GNAQ: variants seen among roughly 807,000 people sequenced by gnomAD.
The protein encoded by GNAQ is G protein subunit alpha q.
GNAQ carries 8 observed loss-of-function variants against 43.9 expected under a neutral mutation model. The observed-to-expected ratio is 0.18, with a 90% CI of 0.11 to 0.33. The LOEUF (loss-of-function observed/expected upper bound fraction) is 0.33, where lower values mean the gene tolerates loss of function less well. Ranked by LOEUF, GNAQ falls within the 10% of genes least tolerant of loss-of-function variation. The probability of loss-of-function intolerance (pLI) is 1.00; values close to 1 mark genes in which losing one functional copy is unlikely to be tolerated. For missense variants in GNAQ, 158 were observed against 450.8 expected (o/e 0.35, Z 5.88); for synonymous variants, 155 against 170.7 (o/e 0.91, Z 0.71).
In GNAQ at chr9:77,720,153, A is replaced by C. The variant is rs1825288313; in HGVS notation, c.*1170T>G. 2 of 233,104 alleles carry C rather than the reference A, an allele frequency of 8.6e-6. No homozygotes were observed. The highest frequency in any genetic ancestry group is 1.7e-5 in the Non-Finnish European group (2 of 117,906). 14.4% of individuals were successfully genotyped at this position (233,104 alleles called of 1,614,324 possible). A position where few individuals can be genotyped will look rare whatever the true frequency, so the allele number is the denominator to read the frequency against. On this transcript the variant is annotated 3_prime_UTR_variant, in exon 7 of 7. Coordinates refer to ENST00000286548, the MANE Select transcript of GNAQ (RefSeq NM_002072.5). Reference sequence around the variant, plus strand: ...ATGTCATCTTAAGGACAAAGAAAAGAATGGACCGTGAGAATCAAATTTCTA... The same window carrying C: ...ATGTCATCTTAAGGACAAAGAAAAGCATGGACCGTGAGAATCAAATTTCTA...
intron 4 of GNAQ, among the ~76,000 whole-genome samples, chr9:77,796,942 G>A (rs1471845966): frequency 1.3e-5 from 2 of 152,076 alleles, no homozygotes; most frequent in African/African-American, 2.4e-5. Flanking sequence ...TTTACTAACC[G>A]ATTTTACTCA....
At chr9:77,961,461 C>T (rs1823106430) in intron 1 of GNAQ, among the ~76,000 whole-genome samples, 2 of 151,882 alleles carry the variant, frequency 1.3e-5, no homozygotes, top group South Asian at 4.2e-4. Context: ...CAGAAGGGTG[C>T]CCTTGAACCT....
chr9:77,785,567 A>C (rs1233160797), intron 5 of GNAQ, among the ~76,000 whole-genome samples: 2 of 152,214 alleles, frequency 1.3e-5, no homozygotes, highest in Non-Finnish European at 2.9e-5. Context: ...GATGGTGACT[A>C]CATGGATGTG....
At chr9:77,763,477 C>T (rs749994009) in intron 5 of GNAQ, among the ~76,000 whole-genome samples, 1 of 152,176 alleles carries the variant, frequency 6.6e-6, no homozygotes, top group Non-Finnish European at 1.5e-5. Context: ...ATAATTAATA[C>T]TGTATGTGTG....
At chr9:77,928,575 G>A (rs1829100964) in intron 1 of GNAQ, among the ~76,000 whole-genome samples, 1 of 152,160 alleles carries the variant, frequency 6.6e-6, no homozygotes, top group Admixed American at 6.5e-5. Flanking sequence ...AATCCTCCCA[G>A]AAGAGTCACT....
chr9:77,886,031 C>T (rs894750990), intron 2 of GNAQ, among the ~76,000 whole-genome samples: 1 of 152,112 alleles, frequency 6.6e-6, no homozygotes, highest in Non-Finnish European at 1.5e-5. Context: ...GGCTGGAGTG[C>T]AGTGGCACGA....
rs546289226 is a variant in GNAQ at position 77,981,055 on chromosome 9, A to G, written c.136+50045T>C. On this transcript the variant is annotated intron_variant, in intron 1 of 6. Transcript: ENST00000286548. ...CAAAAATAGCTTCTATTAGAAAGTGAGTGGTGAGGTGTTAGATTCAGACCC... is the reference window on the plus strand; with the variant it reads ...CAAAAATAGCTTCTATTAGAAAGTGGGTGGTGAGGTGTTAGATTCAGACCC... 2.6e-5 allele frequency among the ~76,000 whole-genome samples: 4 copies of G among 152,346 alleles called. No individual in the cohort carries two copies. In the South Asian group the frequency reaches 8.3e-4, roughly 32 times the overall value.
chr9:77,753,977 C>T (rs1336566672), intron 5 of GNAQ, among the ~76,000 whole-genome samples: 1 of 152,160 alleles, frequency 6.6e-6, no homozygotes, highest in Non-Finnish European at 1.5e-5. Flanking sequence ...GAAAAAACTT[C>T]TCTTGAAAGC....
At chr9:78,001,943 T>G (rs1261747025) in intron 1 of GNAQ, among the ~76,000 whole-genome samples, 1 of 152,250 alleles carries the variant, frequency 6.6e-6, no homozygotes, top group African/African-American at 2.4e-5. Context: ...GACTGTATGC[T>G]TACTTCATCA....
intron 2 of GNAQ, among the ~76,000 whole-genome samples, chr9:77,910,720 C>T (rs1183607757): frequency 6.6e-6 from 1 of 152,042 alleles, no homozygotes; most frequent in Non-Finnish European, 1.5e-5. Context: ...GACTAAAGAA[C>T]ATCATCTCCA....
chr9:77,727,248 GC>G (rs1338673748), intron 6 of GNAQ, among the ~76,000 whole-genome samples: 1 of 152,052 alleles, frequency 6.6e-6, no homozygotes, highest in East Asian at 1.9e-4. Flanking sequence ...GAACTCCTGT[GC>G]TCAAGTGATC....
At chr9:77,751,551 G>A (rs554557887) in intron 5 of GNAQ, among the ~76,000 whole-genome samples, 6 of 152,216 alleles carry the variant, frequency 3.9e-5, no homozygotes, top group East Asian at 1.9e-4. Context: ...GCCTAGAAGC[G>A]GACAGAAATT....
chr9:77,990,851 T>C (rs1823498881), intron 1 of GNAQ, among the ~76,000 whole-genome samples: 1 of 152,226 alleles, frequency 6.6e-6, no homozygotes, highest in South Asian at 2.1e-4. Context: ...AGGAGATGTT[T>C]ATTTGCCTGC....
intron 3 of GNAQ, among the ~76,000 whole-genome samples, chr9:77,809,556 G>A (rs965312459): frequency 6.6e-6 from 1 of 152,050 alleles, no homozygotes; most frequent in Admixed American, 6.5e-5. Flanking sequence ...TATCAATAAC[G>A]AAAAAGTTAA....
At chr9:77,956,152 G>A (rs1371185799) in intron 1 of GNAQ, among the ~76,000 whole-genome samples, 1 of 152,080 alleles carries the variant, frequency 6.6e-6, no homozygotes, top group African/African-American at 2.4e-5. Flanking sequence ...TTTTATATAT[G>A]TTCATTAGTG....
At chr9:78,030,702 GCC>G in intron 1 of GNAQ, 3 of 379,288 alleles carry the variant, frequency 7.9e-6, no homozygotes, top group Non-Finnish European at 1.1e-5. Flanking sequence ...CCCATGGGGT[GCC>G]GCGGCCACGA....
chr9:77,926,947 C>G lies in GNAQ; in HGVS notation c.137-4602G>C, dbSNP rs1262068342. Reference sequence around the variant, plus strand: ...CTATTCGCTAGATCAGGATAAAGCACAGAGAGCAATCTCCAGTTCATTCAC... The same window carrying G: ...CTATTCGCTAGATCAGGATAAAGCAGAGAGAGCAATCTCCAGTTCATTCAC... On this transcript the variant is annotated intron_variant, in intron 1 of 6. Transcript: ENST00000286548. Among the ~76,000 whole-genome samples, 5 of 152,268 alleles carry G rather than the reference C, an allele frequency of 3.3e-5. No individual in the cohort carries two copies. In the East Asian group the frequency reaches 9.7e-4, roughly 29 times the overall value.
chr9:78,017,046 A>C (rs778941604), intron 1 of GNAQ, among the ~76,000 whole-genome samples: 1 of 152,238 alleles, frequency 6.6e-6, no homozygotes, highest in Non-Finnish European at 1.5e-5. Context: ...ACAGCGTGCA[A>C]AAATACCCAA....
At chr9:77,952,116 G>T (rs3934273) in intron 1 of GNAQ, among the ~76,000 whole-genome samples, 31,933 of 152,180 alleles carry the variant, frequency 0.21, 3,566 homozygotes, top group South Asian at 0.37. Flanking sequence ...TGAAATTGAG[G>T]TTTGGGTAGT....
Sources: allele counts gnomAD v4.1 joint callset (sites outside exome capture counted in the v4.1 genomes callset), GRCh38; gene constraint gnomAD v4.1.1; transcripts MANE v1.5; gene names NCBI Gene and HGNC (gene_info 2026-07-23, HGNC 2026-07-21).